Variants in LPP observed in about 807,000 individuals in gnomAD.
The protein encoded by LPP is LIM domain containing preferred translocation partner in lipoma.
LPP carries 38 observed loss-of-function variants against 60.4 expected under a neutral mutation model. The ratio of observed to expected loss-of-function variants is 0.63; its 90% CI spans 0.49 to 0.83. LPP has a LOEUF of 0.83. LPP is among the 40% of genes least tolerant of loss of function. LPP has a pLI of 0.00. For missense variants in LPP, 902 were observed against 783.6 expected (o/e 1.15, Z -1.80); for synonymous variants, 328 against 290.8 (o/e 1.13, Z -1.30).
At chr3:188,848,910 G>A (rs1159079610) in intron 9 of LPP, among the ~76,000 whole-genome samples, 1 of 150,750 alleles carries the variant, frequency 6.6e-6, no homozygotes, top group African/African-American at 2.4e-5. Flanking sequence ...AGGTTGCAGT[G>A]AGCTGAGATC....
At chr3:188,672,346 A>G (rs1364319587) in intron 7 of LPP, among the ~76,000 whole-genome samples, 2 of 150,176 alleles carry the variant, frequency 1.3e-5, no homozygotes, top group African/African-American at 4.9e-5. Context: ...GTGCACCCAT[A>G]CCCCCATTCA....
At chr3:188,560,294 C>A (rs967235084) in intron 6 of LPP, among the ~76,000 whole-genome samples, 1 of 152,060 alleles carries the variant, frequency 6.6e-6, no homozygotes, top group Admixed American at 6.6e-5. Flanking sequence ...AAGGAGTCGT[C>A]TATGCACAGA....
chr3:188,337,480 G>A (rs1199733497), intron 2 of LPP, among the ~76,000 whole-genome samples: 1 of 152,202 alleles, frequency 6.6e-6, no homozygotes, highest in East Asian at 1.9e-4. Flanking sequence ...ACCCTAGAGA[G>A]AAGTTCCTCC....
At chr3:188,311,697 G>A (rs1753511338) in intron 2 of LPP, among the ~76,000 whole-genome samples, 1 of 151,400 alleles carries the variant, frequency 6.6e-6, no homozygotes. Context: ...TGAGTGCAGT[G>A]GCCTGATGTT....
chr3:188,594,479 A>G (rs551629749), intron 6 of LPP, among the ~76,000 whole-genome samples: 1 of 152,150 alleles, frequency 6.6e-6, no homozygotes, highest in Admixed American at 6.5e-5. Flanking sequence ...AAAAAATTCT[A>G]CTGGTTTTCT....
Position 188,157,005 on chromosome 3 carries a change from A to AAAACAC in LPP, c.-190+2755_-190+2760dup, listed in dbSNP as rs1447335194. Among the ~76,000 whole-genome samples, 3 of 152,232 alleles carry AAAACAC rather than the reference A, an allele frequency of 2.0e-5. No homozygotes were observed. In the South Asian group the frequency reaches 6.2e-4, roughly 31 times the overall value. ...AAATACGTTGTATCGAATCAATTGT[A>AAAACAC]AAACACACTTTTTTCACATTTTAAT... On this transcript the variant is annotated intron_variant, in intron 1 of 11. Transcript: ENST00000617246.
At chr3:188,498,096 G>C (rs1042518985) in intron 5 of LPP, among the ~76,000 whole-genome samples, 1 of 152,042 alleles carries the variant, frequency 6.6e-6, no homozygotes, top group African/African-American at 2.4e-5. Flanking sequence ...TTTTCTGACA[G>C]CGTCTTCTAC....
chr3:188,408,363 G>A (rs1034889682), intron 4 of LPP, among the ~76,000 whole-genome samples: 6 of 152,082 alleles, frequency 3.9e-5, no homozygotes, highest in Admixed American at 6.6e-5. Context: ...TAATGGCCTC[G>A]CTTTAGACTC....
At chr3:188,638,812 T>A (rs544861079) in intron 7 of LPP, among the ~76,000 whole-genome samples, 1 of 144,672 alleles carries the variant, frequency 6.9e-6, no homozygotes, top group Non-Finnish European at 1.5e-5. Flanking sequence ...TTACAAGGGA[T>A]GTGAAGGACC....
rs61561622 is a variant in LPP at position 188,384,330 on chromosome 3, A to ATGTGTGTGTGTGTG, written c.-9-21770_-9-21757dup. Among the ~76,000 whole-genome samples, 587 of 148,898 alleles carry ATGTGTGTGTGTGTG rather than the reference A, an allele frequency of 3.9e-3. 4 individuals are homozygous for ATGTGTGTGTGTGTG. Among genetic ancestry groups the ATGTGTGTGTGTGTG allele is most frequent in the African/African-American group, 0.012 (501 of 40,370 alleles). On this transcript the variant is annotated intron_variant, in intron 3 of 11. Transcript: ENST00000617246. ...TAGTTATGGTAGTGTATGTATGTGC[A>ATGTGTGTGTGTGTG]TGTGTGTGTGTGTGTGTGTGTGTGT...
At chr3:188,640,627 T>C (rs1378295489) in intron 7 of LPP, among the ~76,000 whole-genome samples, 1 of 151,308 alleles carries the variant, frequency 6.6e-6, no homozygotes, top group Non-Finnish European at 1.5e-5. Flanking sequence ...ACCTGTGCAA[T>C]ATGGGTATCT....
At chr3:188,775,335 G>A (rs1737403702) in intron 9 of LPP, among the ~76,000 whole-genome samples, 1 of 152,190 alleles carries the variant, frequency 6.6e-6, no homozygotes, top group Non-Finnish European at 1.5e-5. Flanking sequence ...ACAGGTGTGA[G>A]CCACCACACC....
chr3:188,673,586 G>A (rs1195292260), intron 7 of LPP, among the ~76,000 whole-genome samples: 1 of 152,058 alleles, frequency 6.6e-6, no homozygotes, highest in Non-Finnish European at 1.5e-5. Context: ...CAGGATTCAG[G>A]TATCAGCTAA....
At chr3:188,527,805 G>A (rs1560523237) in intron 6 of LPP, among the ~76,000 whole-genome samples, 2 of 150,754 alleles carry the variant, frequency 1.3e-5, no homozygotes. Context: ...CTGGAGTGCA[G>A]TGGTGGGATC....
At chr3:188,733,883 C>T (rs572900891) in intron 8 of LPP, among the ~76,000 whole-genome samples, 16 of 152,192 alleles carry the variant, frequency 1.1e-4, no homozygotes, top group African/African-American at 3.1e-4. Context: ...ATGATATAGG[C>T]GTATTTCTCA....
intron 7 of LPP, among the ~76,000 whole-genome samples, chr3:188,623,518 A>G (rs187891979): frequency 4.9e-4 from 74 of 152,192 alleles, no homozygotes; most frequent in African/African-American, 1.8e-3. Context: ...TTGGCCCCCC[A>G]AAGTCCTGGG....
intron 1 of LPP, among the ~76,000 whole-genome samples, chr3:188,162,631 T>C (rs936496092): frequency 1.3e-5 from 2 of 152,192 alleles, no homozygotes; most frequent in African/African-American, 4.8e-5. Context: ...ACAAGCCCTG[T>C]GATCTTGAAC....
At chr3:188,862,821 G>C (rs932553742) in intron 9 of LPP, among the ~76,000 whole-genome samples, 4 of 151,730 alleles carry the variant, frequency 2.6e-5, no homozygotes. Context: ...ATTTGAATAG[G>C]CATATTTAGA....
At chr3:188,476,424 C>T (rs754372224) in intron 4 of LPP, among the ~76,000 whole-genome samples, 1 of 152,110 alleles carries the variant, frequency 6.6e-6, no homozygotes, top group Non-Finnish European at 1.5e-5. Context: ...ATGAAGTTTC[C>T]TTAACATGCT....
Sources: allele counts gnomAD v4.1 joint callset (sites outside exome capture counted in the v4.1 genomes callset), GRCh38; gene constraint gnomAD v4.1.1; transcripts MANE v1.5; gene names NCBI Gene and HGNC (gene_info 2026-07-23, HGNC 2026-07-21).